The following CYP4X1 variants were observed in gnomAD, a reference collection of about 807,000 sequenced individuals.
CYP4X1 encodes cytochrome P450 4X1.
In CYP4X1, 44 loss-of-function variants were observed where a neutral mutation model predicts 57.9. The observed-to-expected ratio is 0.76, with a 90% CI of 0.60 to 0.98. CYP4X1 has a LOEUF of 0.98. CYP4X1 is among the 50% of genes least tolerant of loss of function. CYP4X1 has a pLI of 0.00. For synonymous variants in CYP4X1, 227 were observed against 228.6 expected (o/e 0.99, Z 0.06); for missense variants, 532 against 623.9 (o/e 0.85, Z 1.57).
chr1:47,027,286 C>G (rs534851041), intron 1 of CYP4X1, among the ~76,000 whole-genome samples: 66 of 151,732 alleles, frequency 4.3e-4, no homozygotes, highest in Non-Finnish European at 7.7e-4. Context: ...AGATCAGGAT[C>G]CTTTTGGTGA....
chr1:47,003,862 A>G, the CYP4X1 span, among the ~76,000 whole-genome samples: 4 of 152,084 alleles, frequency 2.6e-5, no homozygotes, highest in African/African-American at 9.7e-5. Flanking sequence ...TTCCCTCTCC[A>G]CCGTCCCCGC....
chr1:46,992,372 T>A, the CYP4X1 span, among the ~76,000 whole-genome samples: 1 of 152,166 alleles, frequency 6.6e-6, no homozygotes, highest in African/African-American at 2.4e-5. Context: ...TTTTCTTCAC[T>A]CCAACAGAAA....
chr1:46,982,034 G>C, the CYP4X1 span, among the ~76,000 whole-genome samples: 2 of 152,092 alleles, frequency 1.3e-5, no homozygotes, highest in African/African-American at 4.8e-5. Context: ...TAATGTAAAT[G>C]ACAAGTTACT....
At chr1:46,999,026 TTGTGTG>T in the CYP4X1 span, among the ~76,000 whole-genome samples, 978 of 142,548 alleles carry the variant, frequency 6.9e-3, 4 homozygotes, top group Admixed American at 9.7e-3. Context: ...CTTGCTTTCT[TTGTGTG>T]TGTGTGTGTG....
At chr1:46,975,711 CTCTAG>C in the CYP4X1 span, among the ~76,000 whole-genome samples, 2 of 152,058 alleles carry the variant, frequency 1.3e-5, no homozygotes, top group Non-Finnish European at 2.9e-5. Context: ...ATGGCAACCT[CTCTAG>C]TGAGGCTTGG....
At chr1:47,010,260 C>T in the CYP4X1 span, among the ~76,000 whole-genome samples, 1,286 of 152,224 alleles carry the variant, frequency 8.4e-3, 32 homozygotes, top group Admixed American at 0.043. Flanking sequence ...GTTCAACATA[C>T]GCAAATCAAT....
At chr1:47,023,667 C>G, upstream of CYP4X1, 4 of 1,421,734 alleles carry the variant, frequency 2.8e-6, no homozygotes, top group Non-Finnish European at 3.7e-6. Context: ...GCTGCCCCTC[C>G]CACTGCCTTT....
At chr1:47,034,169 AG>A (rs1236575119) in intron 4 of CYP4X1, among the ~76,000 whole-genome samples, 1 of 152,206 alleles carries the variant, frequency 6.6e-6, no homozygotes, top group Non-Finnish European at 1.5e-5. Flanking sequence ...AGAGTATTCG[AG>A]GCAGAGTGAG....
chr1:47,027,877 C>G (rs1279550670), intron 1 of CYP4X1, among the ~76,000 whole-genome samples: 2 of 152,270 alleles, frequency 1.3e-5, no homozygotes, highest in Non-Finnish European at 1.5e-5. Context: ...CCTTATCACT[C>G]TCTGACACTA....
the CYP4X1 span, among the ~76,000 whole-genome samples, chr1:47,014,633 A>G: frequency 6.6e-6 from 1 of 152,164 alleles, no homozygotes; most frequent in Admixed American, 6.5e-5. Flanking sequence ...CACATTTTAA[A>G]CTTTGTTTTG....
the CYP4X1 span, among the ~76,000 whole-genome samples, chr1:47,016,766 T>C: frequency 2.0e-5 from 3 of 152,260 alleles, no homozygotes; most frequent in Non-Finnish European, 2.9e-5. Context: ...CCTTTTGTTA[T>C]TTTTTAAAGT....
the CYP4X1 span, among the ~76,000 whole-genome samples, chr1:46,977,192 T>C: frequency 6.6e-6 from 1 of 152,080 alleles, no homozygotes; most frequent in Non-Finnish European, 1.5e-5. Context: ...TAAAGGAGGA[T>C]GTTCAAACCC....
At chr1:47,049,081 GGGCCACA>G (rs1557612519) in intron 10 of CYP4X1, among the ~76,000 whole-genome samples, 1 of 152,170 alleles carries the variant, frequency 6.6e-6, no homozygotes, top group African/African-American at 2.4e-5. Context: ...TAGTAGCCAC[GGGCCACA>G]TACGGCTACT....
At chr1:46,997,609 T>C in the CYP4X1 span, among the ~76,000 whole-genome samples, 1 of 152,344 alleles carries the variant, frequency 6.6e-6, no homozygotes, top group Middle Eastern at 3.4e-3. Flanking sequence ...CAGTCCACTG[T>C]TGATGGACTC....
At chr1:46,994,433 G>A in the CYP4X1 span, 1 of 153,440 alleles carries the variant, frequency 6.5e-6, no homozygotes, top group Non-Finnish European at 1.5e-5. Flanking sequence ...AGGCTCAGCA[G>A]TGAGGCTCCT....
the CYP4X1 span, among the ~76,000 whole-genome samples, chr1:47,011,243 A>G: frequency 6.6e-6 from 1 of 152,190 alleles, no homozygotes; most frequent in Non-Finnish European, 1.5e-5. Context: ...GAGCCCTCAG[A>G]AATAATACCA....
intron 11 of CYP4X1, 78 bp from the exon 12 acceptor site, chr1:47,049,922 T>C (rs1644344012): frequency 1.8e-5 from 25 of 1,418,998 alleles, no homozygotes; most frequent in Non-Finnish European, 2.2e-5. Context: ...TACTTCAGAC[T>C]TATTGTACTA....
chr1:46,980,314 G>T, the CYP4X1 span, among the ~76,000 whole-genome samples: 1 of 152,172 alleles, frequency 6.6e-6, no homozygotes, highest in Non-Finnish European at 1.5e-5. Flanking sequence ...AAAATCACAA[G>T]CATTCTTATA....
chr1:47,053,716 CTT>C (rs1644373769), downstream of CYP4X1, among the ~76,000 whole-genome samples: 1 of 152,224 alleles, frequency 6.6e-6, no homozygotes, highest in South Asian at 2.1e-4. Context: ...TAAATGTCCT[CTT>C]TTGAGAAGTC....
Sources: gnomAD v4.1 joint callset for allele counts (sites outside exome capture counted in the v4.1 genomes callset) on GRCh38, gnomAD v4.1.1 for gene constraint, MANE v1.5 for transcripts, NCBI Gene and HGNC (gene_info 2026-07-23, HGNC 2026-07-21) for gene names.